KIAA0319: variants seen among roughly 807,000 people sequenced by gnomAD.
The protein encoded by KIAA0319 is KIAA0319.
Under a neutral mutation model 108.4 loss-of-function variants are expected in KIAA0319, and 83 were observed. The ratio of observed to expected loss-of-function variants is 0.77; its 90% CI spans 0.64 to 0.92. The LOEUF is 0.92. Among genes scored for constraint, KIAA0319 ranks in the 40% least tolerant of loss-of-function variants. KIAA0319 has a pLI of 0.00. For synonymous variants in KIAA0319, 484 were observed against 510.4 expected (o/e 0.95, Z 0.70); for missense variants, 1,195 against 1,322.4 (o/e 0.90, Z 1.49).
chr6:24,547,210 G>T lies in KIAA0319; in HGVS notation c.3174C>A (p.Ser1058=). 1.9e-6 allele frequency: 3 copies of T among 1,614,122 alleles called. No homozygotes were observed. The highest frequency in any genetic ancestry group is 1.1e-5 in the South Asian group (1 of 91,082). Residue 1058 remains serine, a synonymous_variant, in exon 21 of 21, where the codon TCC becomes TCA. Transcript: ENST00000378214. ...RGNPKVSMNG[S]IRNGASFSYC... is the part of the protein sequence containing the mutation. ...AACTGAAGGAAGCTCCATTTCTGAT[G>T]GAACCATTCATGGAAACCTTTGGAT... is the stretch of plus-strand genomic sequence containing the variant.
At chr6:24,562,736 G>A (rs961322580) in intron 16 of KIAA0319, among the ~76,000 whole-genome samples, 1 of 152,118 alleles carries the variant, frequency 6.6e-6, no homozygotes, top group Non-Finnish European at 1.5e-5. Flanking sequence ...CTACTCAGGT[G>A]GCTGAGGCAG....
intron 1 of KIAA0319, among the ~76,000 whole-genome samples, chr6:24,629,769 T>C (rs1422147342): frequency 6.6e-6 from 1 of 152,184 alleles, no homozygotes; most frequent in African/African-American, 2.4e-5. Context: ...CAAAATTATA[T>C]GTTACAGAAC....
chr6:24,543,186 C>G (rs745836232), downstream of KIAA0319, among the ~76,000 whole-genome samples: 20 of 152,182 alleles, frequency 1.3e-4, no homozygotes, highest in Non-Finnish European at 2.4e-4. Flanking sequence ...AAGGAAGGAA[C>G]TACTACCTGT....
intron 1 of KIAA0319, among the ~76,000 whole-genome samples, chr6:24,643,535 T>A (rs1189423977): frequency 6.6e-6 from 1 of 152,180 alleles, no homozygotes; most frequent in Non-Finnish European, 1.5e-5. Flanking sequence ...TAAATTGACA[T>A]GATTTTATGA....
In KIAA0319 at chr6:24,645,840, TACACACACACACACAC is replaced by T. The variant is rs70974925; in HGVS notation, c.-226_-211del. 5,549 of 140,318 alleles carry T rather than the reference TACACACACACACACAC, an allele frequency of 0.04. 143 individuals carry two copies. The highest frequency in any genetic ancestry group is 0.087 in the Middle Eastern group (25 of 286). The allele number at this position is 140,318 out of a possible 1,614,324, so 8.7% of individuals were successfully genotyped here. ...TCCTCCTCGTCGTCATCGCAGGTCT[TACACACACACACACAC>T]ACACACACACACACACACACACACA... is the stretch of plus-strand genomic sequence containing the variant. On this transcript the variant is annotated 5_prime_UTR_variant, in exon 1 of 21. Transcript: ENST00000378214.
Position 24,574,490 on chromosome 6 carries a change from CAA to C in KIAA0319, c.1735-1794_1735-1793del, listed in dbSNP as rs771230218. On this transcript the variant is annotated intron_variant, in intron 10 of 20. Coordinates refer to ENST00000378214, the MANE Select transcript of KIAA0319 (RefSeq NM_014809.4). The stretch of plus-strand genomic sequence containing the variant: ...AACTCTAAGTCAACCTAAGTTTTTA[CAA>C]AGTCATTTTTTCAACTGAGTATGCA... Among the ~76,000 whole-genome samples, 19 of 152,238 alleles carry C rather than the reference CAA, an allele frequency of 1.2e-4. No homozygotes were observed. In the East Asian group the frequency reaches 1.9e-3, roughly 15 times the overall value.
intron 1 of KIAA0319, among the ~76,000 whole-genome samples, chr6:24,632,470 G>T (rs1261315549): frequency 6.6e-6 from 1 of 152,158 alleles, no homozygotes; most frequent in East Asian, 1.9e-4. Context: ...AATGAGTCTG[G>T]TCTTTCTTAA....
chr6:24,575,177 G>T (rs1460310238), intron 10 of KIAA0319, among the ~76,000 whole-genome samples: 3 of 152,198 alleles, frequency 2.0e-5, no homozygotes, highest in Non-Finnish European at 4.4e-5. Flanking sequence ...AAGGCAATAA[G>T]GTTGTTACTG....
At chr6:24,576,337 C>T (rs1765505080) in intron 10 of KIAA0319, 31 bp downstream of exon 10, 4 of 1,570,724 alleles carry the variant, frequency 2.5e-6, no homozygotes, top group African/African-American at 1.4e-5. Flanking sequence ...GACAGACAGA[C>T]AAAAGTCTGA....
chr6:24,643,235 T>C (rs1777192975), intron 1 of KIAA0319, among the ~76,000 whole-genome samples: 1 of 152,210 alleles, frequency 6.6e-6, no homozygotes, highest in African/African-American at 2.4e-5. Context: ...TTTTATTGTT[T>C]AATACAAATA....
At chr6:24,591,792 T>C (rs1768516104) in intron 3 of KIAA0319, among the ~76,000 whole-genome samples, 2 of 152,198 alleles carry the variant, frequency 1.3e-5, no homozygotes, top group Admixed American at 6.5e-5. Flanking sequence ...TAAAGATTAA[T>C]GGTGCTGAGC....
At chr6:24,604,039 G>A (rs923013146) in intron 1 of KIAA0319, among the ~76,000 whole-genome samples, 1 of 152,198 alleles carries the variant, frequency 6.6e-6, no homozygotes, top group African/African-American at 2.4e-5. Flanking sequence ...GCTAAGGTAA[G>A]GTCAGGAGGT....
chr6:24,568,952 A>G, intron 12 of KIAA0319, 23 bp from the exon 13 acceptor site: 1 of 1,610,276 alleles, frequency 6.2e-7, no homozygotes, highest in Non-Finnish European at 8.5e-7. Flanking sequence ...GAAGTGGTTA[A>G]CATAAGGGAG....
At chr6:24,579,984 T>C in intron 7 of KIAA0319, 34 bp from the exon 8 acceptor site, 1 of 1,477,516 alleles carries the variant, frequency 6.8e-7, no homozygotes, top group Non-Finnish European at 9.3e-7. Context: ...ACTGAGCCCA[T>C]CTTGTGTAGG....
At position 24,566,653 on chromosome 6, in the gene KIAA0319, C is replaced by T. The variant is rs375634757; in HGVS notation, c.2236G>A (p.Asp746Asn). Residue 746 changes from aspartate to asparagine, a missense_variant, in exon 14 of 21, where the codon GAC becomes AAC. Physicochemically the swap from Asp to Asn is conservative, Grantham distance 23. Transcript: ENST00000378214. The part of the protein sequence containing the change: ...ITLDGSRSTD[D>N]QRIVSYLWIR... ...CACAGATAGGACACAATTCTTTGGT[C>T]ATCAGTAGACCTTGAACCATCCAAA... 2.0e-5 allele frequency: 33 copies of T among 1,612,992 alleles called. No individual in the cohort carries two copies. Among genetic ancestry groups the T allele is most frequent in the Non-Finnish European group, 2.5e-5 (30 of 1,179,508 alleles).
Position 24,598,637 on chromosome 6 carries a change from A to T in KIAA0319, c.56-2019T>A, listed in dbSNP as rs1452517049. ...ACATCTGTAATCCCAACACTTTGGG[A>T]GGCCGAGGTGGGTGGATCACCTGAG... On this transcript the variant is annotated intron_variant, in intron 2 of 20. Transcript: ENST00000378214. The T allele has an allele frequency of 9.8e-6, 3 of 306,816 alleles. No homozygotes were observed. The East Asian group carries it at 2.5e-4, about 26-fold the overall frequency. The allele number at this position is 306,816 out of a possible 1,614,324, so 19.0% of individuals were successfully genotyped here.
At chr6:24,645,097 T>TG (rs955909139) in intron 1 of KIAA0319, among the ~76,000 whole-genome samples, 11 of 152,100 alleles carry the variant, frequency 7.2e-5, no homozygotes, top group East Asian at 3.8e-4. Context: ...TTCTTGTGTG[T>TG]GGGGGGGAAC....
rs1403049755 is a variant in KIAA0319, at chr6:24,564,330, T to C, written c.2303A>G (p.Asp768Gly). 1.2e-6 allele frequency: 2 copies of C among 1,614,152 alleles called. No homozygotes were observed. The highest frequency in any genetic ancestry group is 8.5e-7 in the Non-Finnish European group (1 of 1,180,000). The change falls in exon 15 of 21, where the codon GAT (aspartate) becomes GGT (glycine). Residue 768 changes from aspartate (D) to glycine (G), a missense_variant. Transcript: ENST00000378214. ...CAGAGCCACACTGTGGTCAGAGCCA[T>C]CGATGACATCCTGCGAAAGAACACG... ...GQSPAAGDVIDGSDHSVALQL... is the reference protein window; with the variant it reads ...GQSPAAGDVIGGSDHSVALQL...
chr6:24,541,648 A>T (rs1252501635), downstream of KIAA0319, among the ~76,000 whole-genome samples: 3 of 152,042 alleles, frequency 2.0e-5, no homozygotes, highest in Admixed American at 6.6e-5. Flanking sequence ...AAATACAAAA[A>T]TTAGCCCGTC....
Sources: allele counts gnomAD v4.1 joint callset (sites outside exome capture counted in the v4.1 genomes callset), GRCh38; gene constraint gnomAD v4.1.1; transcripts MANE v1.5; gene names NCBI Gene and HGNC (gene_info 2026-07-23, HGNC 2026-07-21).